The following TBXAS1 variants were observed in gnomAD, a reference collection of about 807,000 sequenced individuals.
TBXAS1 encodes thromboxane A synthase 1, also known as thromboxane-A synthase.
Under a neutral mutation model 60.7 loss-of-function variants are expected in TBXAS1, and 48 were observed. That is an observed-to-expected ratio of 0.79 (90% CI 0.63 to 1.01). The LOEUF is 1.01. Among genes scored for constraint, TBXAS1 ranks in the 50% least tolerant of loss-of-function variants. TBXAS1 has a pLI of 0.00. For synonymous variants in TBXAS1, 287 were observed against 269.7 expected (o/e 1.06, Z -0.63); for missense variants, 685 against 686.3 (o/e 1.00, Z 0.02).
rs762103740 is a variant in TBXAS1, at chr7:140,017,675, A to C, written c.1369A>C (p.Thr457Pro). The C allele has an allele frequency of 1.2e-6, 2 of 1,612,964 alleles. No homozygotes were observed. Among genetic ancestry groups the C allele is most frequent in the Non-Finnish European group, 1.7e-6 (2 of 1,179,748 alleles). Residue 457 changes from threonine to proline, a missense_variant, in exon 12 of 13, where the codon ACG becomes CCG. Physicochemically the swap from Thr to Pro is conservative, Grantham distance 38. Transcript: ENST00000448866. ...CCTGACCACACGGACCTGCAGGTTC[A>C]CGGCTGAGGCCCGGCAGCAGCACCG... ...SPETFNPERF[T>P]AEARQQHRPF...
chr7:139,802,942 C>A (rs1160405833), intron 4 of TBXAS1, among the ~76,000 whole-genome samples: 1 of 152,230 alleles, frequency 6.6e-6, no homozygotes, highest in Admixed American at 6.5e-5. Flanking sequence ...CCATGTGGAA[C>A]TGTGAGTCCA....
chr7:139,978,723 A>C (rs566327588), intron 9 of TBXAS1, among the ~76,000 whole-genome samples: 111 of 146,690 alleles, frequency 7.6e-4, no homozygotes, highest in African/African-American at 2.7e-3. Flanking sequence ...GGATCACTTG[A>C]GGCAGGGAGT....
chr7:139,928,405 C>T (rs909179593), intron 4 of TBXAS1, among the ~76,000 whole-genome samples: 2 of 152,126 alleles, frequency 1.3e-5, no homozygotes, highest in African/African-American at 4.8e-5. Context: ...TCTATGTTCA[C>T]GAGTGACATT....
intron 9 of TBXAS1, among the ~76,000 whole-genome samples, chr7:139,995,517 G>T (rs2284212): frequency 6.6e-6 from 1 of 151,978 alleles, no homozygotes; most frequent in East Asian, 1.9e-4. Flanking sequence ...GCATCAGACC[G>T]GTCCAGAGGT....
chr7:139,906,673 T>C (rs1321283352), intron 3 of TBXAS1, among the ~76,000 whole-genome samples: 1 of 152,264 alleles, frequency 6.6e-6, no homozygotes, highest in Non-Finnish European at 1.5e-5. Context: ...GCTGAGACTT[T>C]GATTGGAATT....
In TBXAS1 at chr7:140,020,285, C is replaced by T; in HGVS notation, c.*186C>T. ...AAACGTTTGTTGCACTTGGTTTTGA[C>T]ATTGCCAATGGGGTTTGAACCAGTG... is the stretch of plus-strand genomic sequence containing the variant. On this transcript the variant is annotated 3_prime_UTR_variant, in exon 13 of 13. Coordinates refer to ENST00000448866, the MANE Select transcript of TBXAS1 (RefSeq NM_001061.7). 1.4e-6 allele frequency: 1 copy of T among 706,822 alleles called. No individual in the cohort carries two copies. The highest frequency in any genetic ancestry group is 1.7e-5 in the African/African-American group (1 of 57,394). 43.8% of individuals were successfully genotyped at this position (706,822 alleles called of 1,614,324 possible). A position where few individuals can be genotyped will look rare whatever the true frequency, so the allele number is the denominator to read the frequency against.
intron 5 of TBXAS1, among the ~76,000 whole-genome samples, chr7:139,944,874 T>C (rs991369500): frequency 6.6e-6 from 1 of 152,180 alleles, no homozygotes; most frequent in African/African-American, 2.4e-5. Flanking sequence ...TGTCCAAACT[T>C]TCAGGAACTC....
intron 10 of TBXAS1, among the ~76,000 whole-genome samples, chr7:140,010,025 GCCCCACAC>G (rs1814478459): frequency 2.9e-5 from 1 of 34,536 alleles, no homozygotes; most frequent in Non-Finnish European, 5.6e-5. Flanking sequence ...CTCCACACCC[GCCCCACAC>G]CTCCACACCC....
intron 4 of TBXAS1, among the ~76,000 whole-genome samples, chr7:139,788,431 C>G (rs1437537054): frequency 6.6e-6 from 1 of 152,228 alleles, no homozygotes; most frequent in Non-Finnish European, 1.5e-5. Context: ...TTCACTGATA[C>G]ATTTCAAGTG....
chr7:139,813,489 T>C (rs561765915), intron 4 of TBXAS1, among the ~76,000 whole-genome samples: 1 of 152,380 alleles, frequency 6.6e-6, no homozygotes, highest in East Asian at 1.9e-4. Flanking sequence ...CATGGAAGAA[T>C]AGGTCCAGGT....
intron 1 of TBXAS1, among the ~76,000 whole-genome samples, chr7:139,780,357 A>G (rs917462502): frequency 1.3e-5 from 2 of 152,254 alleles, no homozygotes; most frequent in Non-Finnish European, 2.9e-5. Flanking sequence ...TTTAATTTTA[A>G]TAACCATGGG....
chr7:139,829,527 C>T, intron 1 of TBXAS1, 48 bp downstream of exon 1: 2 of 1,568,240 alleles, frequency 1.3e-6, no homozygotes, highest in South Asian at 1.1e-5. Context: ...GCCGTCTCAC[C>T]CTGGAGCCTT....
chr7:139,858,444 G>A (rs539871348), intron 1 of TBXAS1, among the ~76,000 whole-genome samples: 40 of 152,312 alleles, frequency 2.6e-4, no homozygotes, highest in Admixed American at 6.5e-5. Context: ...AAAATAGAAA[G>A]CATGTATTTA....
At position 139,951,888 on chromosome 7, in the gene TBXAS1, AAGG is replaced by A. The variant is rs1569518343; in HGVS notation, c.451-1478_451-1476del. ...GAAGGAAGGAAGGAAGGAAAGAAGG[AAGG>A]AAGGAAGGAAAGAAAGAGAAAGAAA... On this transcript the variant is annotated intron_variant, in intron 5 of 12. Coordinates refer to ENST00000448866, the MANE Select transcript of TBXAS1 (RefSeq NM_001061.7). 7.0e-3 allele frequency among the ~76,000 whole-genome samples: 224 copies of A among 32,024 alleles called. 15 individuals are homozygous for A. Among genetic ancestry groups the A allele is most frequent in the African/African-American group, 0.032 (214 of 6,696 alleles). The allele number at this position is 32,024 out of a possible 152,430, so 21.0% of individuals were successfully genotyped here.
chr7:139,962,628 T>G (rs1810464124), intron 9 of TBXAS1: 2 of 296,104 alleles, frequency 6.8e-6, no homozygotes, highest in Non-Finnish European at 1.3e-5. Flanking sequence ...AGAGCCAAGA[T>G]AGAAGGCAGG....
At position 139,986,730 on chromosome 7, in the gene TBXAS1, T is replaced by TC. The variant is rs1474361395; in HGVS notation, c.1135-20361_1135-20360insC. On this transcript the variant is annotated intron_variant, in intron 9 of 12. Coordinates refer to ENST00000448866, the MANE Select transcript of TBXAS1 (RefSeq NM_001061.7). Reference sequence around the variant, plus strand: ...GCTGAGTAGTATTCCATCATATATATATATATATACATACATATATATATA... The same window carrying TC: ...GCTGAGTAGTATTCCATCATATATATCATATATATACATACATATATATATA... Among the ~76,000 whole-genome samples the TC allele has an allele frequency of 3.8e-4, 16 of 42,184 alleles. No homozygotes were observed. The Admixed American group carries it at 4.4e-3, about 12-fold the overall frequency. The allele number at this position is 42,184 out of a possible 152,430, so 27.7% of individuals were successfully genotyped here.
At chr7:139,866,027 T>C (rs77797404) in intron 1 of TBXAS1, among the ~76,000 whole-genome samples, 3,624 of 152,280 alleles carry the variant, frequency 0.024, 101 homozygotes, top group African/African-American at 0.063. Flanking sequence ...TTTCTCTCTC[T>C]AGTAAGAAAA....
chr7:139,952,640 G>A (rs1274316621), intron 5 of TBXAS1: 1 of 1,537,086 alleles, frequency 6.5e-7, no homozygotes, highest in African/African-American at 1.4e-5. Flanking sequence ...GTTTGTCGAA[G>A]CCGAGTGGTA....
chr7:139,991,021 AC>A (rs1303874345), intron 9 of TBXAS1, among the ~76,000 whole-genome samples: 1 of 152,142 alleles, frequency 6.6e-6, no homozygotes, highest in Non-Finnish European at 1.5e-5. Flanking sequence ...CATGGCCAAA[AC>A]AAATTGCCGC....
Sources: gnomAD v4.1 joint callset for allele counts (sites outside exome capture counted in the v4.1 genomes callset) on GRCh38, gnomAD v4.1.1 for gene constraint, MANE v1.5 for transcripts, NCBI Gene and HGNC (gene_info 2026-07-23, HGNC 2026-07-21) for gene names.